Variants in VPS53 observed in about 807,000 individuals in gnomAD.
VPS53 encodes VPS53 subunit of GARP complex.
In VPS53, 70 loss-of-function variants were observed where a neutral mutation model predicts 107.0. That is an observed-to-expected ratio of 0.65 (90% CI 0.54 to 0.80). The LOEUF (loss-of-function observed/expected upper bound fraction) is 0.80, where lower values mean the gene tolerates loss of function less well. Among genes scored for constraint, VPS53 ranks in the 30% least tolerant of loss-of-function variants. The pLI is 0.00. For synonymous variants in VPS53, 409 were observed against 393.3 expected, an observed-to-expected ratio of 1.04 and a Z score of -0.47; for missense variants, 917 against 1,049.4, an observed-to-expected ratio of 0.87 and a Z score of 1.74.
chr17:551,197 GA>G (rs908678991), intron 17 of VPS53, among the ~76,000 whole-genome samples: 52 of 151,936 alleles, frequency 3.4e-4, no homozygotes, highest in Non-Finnish European at 6.3e-4. Flanking sequence ...ATTCATTTGG[GA>G]AAAAAAGGCA....
chr17:593,352 T>C (rs1311359200), intron 12 of VPS53, among the ~76,000 whole-genome samples: 1 of 152,190 alleles, frequency 6.6e-6, no homozygotes, highest in African/African-American at 2.4e-5. Flanking sequence ...CAAAAGAAAC[T>C]ACCATCAGAG....
intron 4 of VPS53, among the ~76,000 whole-genome samples, chr17:692,838 T>C (rs1972823556): frequency 6.7e-6 from 1 of 150,068 alleles, no homozygotes; most frequent in Non-Finnish European, 1.5e-5. Context: ...CTGTCTCTAC[T>C]AAAAATACAA....
chr17:660,685 T>G lies in VPS53; in HGVS notation c.372+1124A>C, dbSNP rs113671464. 4.3e-4 allele frequency among the ~76,000 whole-genome samples: 26 copies of G among 61,074 alleles called. 1 individual carries two copies. Among genetic ancestry groups the G allele is most frequent in the Admixed American group, 3.6e-3 (19 of 5,304 alleles). The allele number at this position is 61,074 out of a possible 152,430, so 40.1% of individuals were successfully genotyped here. A position where few individuals can be genotyped will look rare whatever the true frequency, so the allele number is the denominator to read the frequency against. On this transcript the variant is annotated intron_variant, in intron 5 of 21. Coordinates refer to ENST00000437048, the MANE Select transcript of VPS53 (RefSeq NM_001128159.3). ...GCTGCTGGGTGTGGTGCATCCTTGG[T>G]GAAGGACGAGGGCCCCTGGGTGCTG...
intron 4 of VPS53, among the ~76,000 whole-genome samples, chr17:680,835 GAACA>G (rs1972362716): frequency 6.6e-6 from 1 of 152,168 alleles, no homozygotes; most frequent in Non-Finnish European, 1.5e-5. Context: ...TTAAAATCAA[GAACA>G]AACTGCCTGC....
intron 15 of VPS53, among the ~76,000 whole-genome samples, chr17:556,637 T>C (rs1050280869): frequency 6.6e-6 from 1 of 152,204 alleles, no homozygotes; most frequent in South Asian, 2.1e-4. Flanking sequence ...CATCATGGGT[T>C]AATGCCATTA....
At chr17:563,721 G>A (rs1414054780) in intron 13 of VPS53, among the ~76,000 whole-genome samples, 2 of 152,200 alleles carry the variant, frequency 1.3e-5, no homozygotes, top group South Asian at 2.1e-4. Flanking sequence ...GGAGAGCCAC[G>A]ATTAAAAACT....
intron 12 of VPS53, among the ~76,000 whole-genome samples, chr17:598,897 C>G (rs1251552913): frequency 1.7e-4 from 4 of 24,112 alleles, no homozygotes; most frequent in African/African-American, 4.0e-4. Flanking sequence ...GCCCGGCCAG[C>G]CGCCCCGTCC....
At chr17:703,791 C>A (rs1188618201) in intron 2 of VPS53, among the ~76,000 whole-genome samples, 1 of 151,366 alleles carries the variant, frequency 6.6e-6, no homozygotes, top group Non-Finnish European at 1.5e-5. Context: ...GGATGATAAG[C>A]AATTTGGCAT....
intron 17 of VPS53, among the ~76,000 whole-genome samples, chr17:543,231 C>T (rs554081915): frequency 6.6e-6 from 1 of 152,154 alleles, no homozygotes; most frequent in South Asian, 2.1e-4. Flanking sequence ...TGTGGCTTTC[C>T]ATGGTCCTTC....
At chr17:561,645 T>TTTA (rs1567627356) in intron 14 of VPS53, among the ~76,000 whole-genome samples, 2 of 152,190 alleles carry the variant, frequency 1.3e-5, no homozygotes, top group African/African-American at 4.8e-5. Context: ...TTATTTATTT[T>TTTA]TTAGGGCGGA....
At chr17:631,687 C>A (rs377329904) in intron 7 of VPS53, 59 bp from the exon 8 acceptor site, 10 of 1,524,262 alleles carry the variant, frequency 6.6e-6, no homozygotes, top group South Asian at 1.1e-5. Context: ...AACTACACAC[C>A]GATCCACAGG....
chr17:662,718 AAAG>A (rs909090204), intron 4 of VPS53, among the ~76,000 whole-genome samples: 2 of 150,994 alleles, frequency 1.3e-5, no homozygotes, highest in East Asian at 1.9e-4. Flanking sequence ...AGAAAGAATG[AAAG>A]AAGAAGGGAG....
chr17:557,855 C>G (rs903950977), intron 15 of VPS53, among the ~76,000 whole-genome samples: 1 of 125,628 alleles, frequency 8.0e-6, no homozygotes, highest in African/African-American at 2.9e-5. Context: ...TAAGGATTAT[C>G]TTTTTTTTTT....
chr17:539,210 A>C (rs1910380802), intron 17 of VPS53: 1 of 152,258 alleles, frequency 6.6e-6, no homozygotes, highest in Admixed American at 6.5e-5. Context: ...TCCATGAAAG[A>C]AGGTGGCGAC....
At chr17:596,698 C>T (rs954251097) in intron 12 of VPS53, among the ~76,000 whole-genome samples, 11 of 152,182 alleles carry the variant, frequency 7.2e-5, no homozygotes. Context: ...TGAACGTGCT[C>T]AGTTTAGATA....
rs572351051 is a variant in VPS53, at chr17:530,630, C to T, written c.2085+2212G>A. 3.9e-5 allele frequency among the ~76,000 whole-genome samples: 6 copies of T among 152,186 alleles called. No individual in the cohort carries two copies. The South Asian group carries it at 8.3e-4, about 21-fold the overall frequency. ...GTCCTAGCCAGGACTTCAACAACAA[C>T]GTGGGATAGAAATGGTGACAGCGGA... On this transcript the variant is annotated intron_variant, in intron 19 of 21. Coordinates refer to ENST00000437048, the MANE Select transcript of VPS53 (RefSeq NM_001128159.3).
At chr17:658,385 G>A (rs1214804087) in intron 5 of VPS53, among the ~76,000 whole-genome samples, 3 of 143,756 alleles carry the variant, frequency 2.1e-5, no homozygotes, top group African/African-American at 5.2e-5. Context: ...CCGTGAGTTC[G>A]TGGATAGATA....
At chr17:568,285 A>G (rs1387086365) in intron 13 of VPS53, among the ~76,000 whole-genome samples, 1 of 152,180 alleles carries the variant, frequency 6.6e-6, no homozygotes, top group African/African-American at 2.4e-5. Flanking sequence ...AGGGTCACCC[A>G]GGCTGGAGTG....
intron 11 of VPS53, among the ~76,000 whole-genome samples, chr17:610,515 C>G (rs1419541752): frequency 6.6e-6 from 1 of 152,070 alleles, no homozygotes; most frequent in Non-Finnish European, 1.5e-5. Flanking sequence ...AACAAAAAAC[C>G]TTCATTAAAA....
Sources: gnomAD v4.1 joint callset for allele counts (sites outside exome capture counted in the v4.1 genomes callset) on GRCh38, gnomAD v4.1.1 for gene constraint, MANE v1.5 for transcripts, NCBI Gene and HGNC (gene_info 2026-07-23, HGNC 2026-07-21) for gene names.